RALGAPA1: variants seen among roughly 807,000 people sequenced by gnomAD.
RALGAPA1 encodes ral GTPase-activating protein subunit alpha-1.
Under a neutral mutation model 269.6 loss-of-function variants are expected in RALGAPA1, and 52 were observed. That is an observed-to-expected ratio of 0.19 (90% confidence interval 0.15 to 0.24). The LOEUF is 0.24. Ranked by LOEUF, RALGAPA1 falls within the 10% of genes least tolerant of loss-of-function variation. RALGAPA1 has a pLI of 1.00. For synonymous variants in RALGAPA1, 817 were observed against 1,008.3 expected (o/e 0.81, Z 3.60); for missense variants, 1,917 against 3,013.9 (o/e 0.64, Z 8.52).
intron 35 of RALGAPA1, among the ~76,000 whole-genome samples, chr14:35,616,919 T>C (rs1287451815): frequency 6.6e-6 from 1 of 152,140 alleles, no homozygotes; most frequent in Non-Finnish European, 1.5e-5. Flanking sequence ...TACCAAGATA[T>C]ATTGTTATGG....
intron 16 of RALGAPA1, among the ~76,000 whole-genome samples, chr14:35,717,222 C>T (rs1481347045): frequency 6.6e-6 from 1 of 152,156 alleles, no homozygotes; most frequent in African/African-American, 2.4e-5. Flanking sequence ...GCGATCTCGG[C>T]CCACTGCAAC....
chr14:35,651,281 TA>T (rs756821858), intron 31 of RALGAPA1, among the ~76,000 whole-genome samples: 2 of 152,042 alleles, frequency 1.3e-5, no homozygotes, highest in Non-Finnish European at 2.9e-5. Context: ...TATGGAAACT[TA>T]AAAACAAAAC....
chr14:35,570,634 A>T lies in RALGAPA1; in HGVS notation c.7479T>A (p.Ile2493=), dbSNP rs1406179156. Residue 2493 remains isoleucine, a synonymous_variant, in exon 39 of 42, where the codon ATT becomes ATA. Coordinates refer to ENST00000680220, the MANE Select transcript of RALGAPA1 (RefSeq NM_001346249.2). ...INASRALKSL[I]PLYQNFYEER... is the part of the protein sequence containing the mutation. ...AAGGATACAAGTTTTGATACAATGG[A>T]ATCAGAGATTTCAGAGCACGGCTTG... 1.9e-6 allele frequency: 3 copies of T among 1,605,490 alleles called. No homozygotes were observed. Among genetic ancestry groups the T allele is most frequent in the Admixed American group, 1.7e-5 (1 of 58,238 alleles).
At chr14:35,800,061 C>T (rs2076861463) in intron 1 of RALGAPA1, among the ~76,000 whole-genome samples, 1 of 152,136 alleles carries the variant, frequency 6.6e-6, no homozygotes, top group South Asian at 2.1e-4. Context: ...GTTTAGGCAG[C>T]TAATGACAGA....
chr14:35,675,904 C>T (rs1275662052), intron 22 of RALGAPA1, among the ~76,000 whole-genome samples: 1 of 152,060 alleles, frequency 6.6e-6, no homozygotes, highest in Non-Finnish European at 1.5e-5. Context: ...CTTCTTAGTA[C>T]ATGTACATTC....
intron 37 of RALGAPA1, among the ~76,000 whole-genome samples, chr14:35,587,596 A>T (rs1472422879): frequency 6.6e-6 from 1 of 152,066 alleles, no homozygotes; most frequent in African/African-American, 2.4e-5. Context: ...GGAAACCATC[A>T]TTTTGAGCAA....
chr14:35,557,724 T>C (rs1367488539), intron 39 of RALGAPA1, among the ~76,000 whole-genome samples: 1 of 152,200 alleles, frequency 6.6e-6, no homozygotes, highest in Non-Finnish European at 1.5e-5. Context: ...GGATATGGAA[T>C]AGTAGTAAAT....
At chr14:35,609,360 A>C (rs2059784722) in intron 35 of RALGAPA1, among the ~76,000 whole-genome samples, 1 of 152,214 alleles carries the variant, frequency 6.6e-6, no homozygotes, top group Non-Finnish European at 1.5e-5. Flanking sequence ...GGTAATTCAC[A>C]AATGTGTGAA....
intron 4 of RALGAPA1, among the ~76,000 whole-genome samples, chr14:35,765,366 T>TA (rs1275134635): frequency 6.6e-6 from 1 of 152,144 alleles, no homozygotes; most frequent in Non-Finnish European, 1.5e-5. Context: ...AGGCTACATT[T>TA]AAAAATCCCT....
intron 39 of RALGAPA1, among the ~76,000 whole-genome samples, chr14:35,570,268 C>T (rs931526068): frequency 2.2e-5 from 3 of 134,848 alleles, no homozygotes; most frequent in African/African-American, 8.9e-5. Flanking sequence ...GAGACTCCAT[C>T]TCAAAAAAAA....
chr14:35,683,587 G>T, intron 21 of RALGAPA1: 1 of 398,958 alleles, frequency 2.5e-6, no homozygotes, highest in Non-Finnish European at 4.5e-6. Context: ...ACAAAATATT[G>T]CATAAAATAC....
rs150385602 is a variant in RALGAPA1 at position 35,575,895 on chromosome 14, C to T, written c.7210-3177G>A. On this transcript the variant is annotated intron_variant, in intron 37 of 41. Coordinates refer to ENST00000680220, the MANE Select transcript of RALGAPA1 (RefSeq NM_001346249.2). Reference sequence around the variant, plus strand: ...AGGCGTGAGCCACCGTGCCTGGCCCCCATTTCATTTTTAAAGAGCTACAAT... The same window carrying T: ...AGGCGTGAGCCACCGTGCCTGGCCCTCATTTCATTTTTAAAGAGCTACAAT... 5.1e-3 allele frequency among the ~76,000 whole-genome samples: 774 copies of T among 152,156 alleles called. 3 individuals are homozygous for T. The highest frequency in any genetic ancestry group is 0.018 in the African/African-American group (739 of 41,518).
chr14:35,715,011 C>T (rs2068688610), intron 16 of RALGAPA1, among the ~76,000 whole-genome samples: 1 of 152,070 alleles, frequency 6.6e-6, no homozygotes, highest in Admixed American at 6.6e-5. Context: ...AGTCTTTATG[C>T]TCTTTTCTTT....
chr14:35,573,650 T>A (rs917756489), intron 37 of RALGAPA1, among the ~76,000 whole-genome samples: 2 of 152,154 alleles, frequency 1.3e-5, no homozygotes, highest in Non-Finnish European at 2.9e-5. Context: ...TAATATCTGA[T>A]TTAAACAAAG....
rs896306635 is a variant in RALGAPA1 at position 35,659,130 on chromosome 14, C to T, written c.5387+8G>A. 15 of 1,595,388 alleles carry T rather than the reference C, an allele frequency of 9.4e-6. No individual in the cohort carries two copies. Among genetic ancestry groups the T allele is most frequent in the African/African-American group, 1.3e-5 (1 of 74,422 alleles). ...TAGTTATACTCAGTCTAAGAATATC[C>T]GACCTACCGTGCAGGACCAGAGGGC... On this transcript the variant is annotated splice_region_variant and intron_variant, in intron 28 of 41. Transcript: ENST00000680220.
In RALGAPA1 at chr14:35,672,338, C is replaced by A. The variant is rs181864737; in HGVS notation, c.5073+529G>T. Among the ~76,000 whole-genome samples, 138 of 152,024 alleles carry A rather than the reference C, an allele frequency of 9.1e-4. 2 individuals are homozygous for A. Among genetic ancestry groups the A allele is most frequent in the Admixed American group, 9.0e-3 (138 of 15,260 alleles). ...AGTTTATGGCCAATATCAAGACTCC[C>A]AAAGTAATTCTAAGGTTATATTTAT... On this transcript the variant is annotated intron_variant, in intron 25 of 41. Coordinates refer to ENST00000680220, the MANE Select transcript of RALGAPA1 (RefSeq NM_001346249.2).
chr14:35,563,447 G>A (rs1372628296), intron 39 of RALGAPA1, among the ~76,000 whole-genome samples: 1 of 152,136 alleles, frequency 6.6e-6, no homozygotes, highest in East Asian at 1.9e-4. Context: ...AGTGTGGTAG[G>A]AGATGAGGGT....
chr14:35,591,699 T>C (rs1204046428), intron 37 of RALGAPA1, among the ~76,000 whole-genome samples: 1 of 152,168 alleles, frequency 6.6e-6, no homozygotes, highest in Non-Finnish European at 1.5e-5. Context: ...GGCCTTGAAA[T>C]ATAATTTTAC....
intron 1 of RALGAPA1, among the ~76,000 whole-genome samples, chr14:35,802,663 G>GTT (rs200361815): frequency 2.7e-4 from 36 of 134,528 alleles, no homozygotes; most frequent in Admixed American, 5.2e-4. Flanking sequence ...GTGGTGGTGG[G>GTT]TTTTTTTTTT....
Sources: gnomAD v4.1 joint callset for allele counts (sites outside exome capture counted in the v4.1 genomes callset) on GRCh38, gnomAD v4.1.1 for gene constraint, MANE v1.5 for transcripts, NCBI Gene and HGNC (gene_info 2026-07-23, HGNC 2026-07-21) for gene names.